The following STK31 variants were observed in gnomAD, a reference collection of about 807,000 sequenced individuals.
STK31 encodes the protein serine/threonine kinase 31.
A neutral mutation model predicts 129.7 loss-of-function variants in STK31; 89 were observed. The ratio of observed to expected loss-of-function variants is 0.69; its 90% CI spans 0.58 to 0.82. The LOEUF (loss-of-function observed/expected upper bound fraction) is 0.82, where lower values mean the gene tolerates loss of function less well. Ranked by LOEUF, STK31 falls within the 40% of genes least tolerant of loss-of-function variation. STK31 has a pLI of 0.00. For missense variants in STK31, 1,187 were observed against 1,176.4 expected (o/e 1.01, Z -0.13); for synonymous variants, 448 against 395.3 (o/e 1.13, Z -1.58).
intron 4 of STK31, chr7:23,726,108 T>C (rs538845449): frequency 9.8e-5 from 15 of 152,288 alleles, no homozygotes; most frequent in South Asian, 8.3e-4. Context: ...CCCTCCAACA[T>C]TGGGAATCAG....
At chr7:23,780,169 A>G (rs979479107) in intron 15 of STK31, among the ~76,000 whole-genome samples, 4 of 151,856 alleles carry the variant, frequency 2.6e-5, no homozygotes, top group Non-Finnish European at 5.9e-5. Flanking sequence ...GGCTGCACCC[A>G]CTGTCTAACT....
In STK31 at chr7:23,815,141, C is replaced by G. The variant is rs375692337; in HGVS notation, c.2761-3C>G. 5.6e-6 allele frequency: 9 copies of G among 1,599,414 alleles called. No individual in the cohort carries two copies. Among genetic ancestry groups the G allele is most frequent in the African/African-American group, 2.7e-5 (2 of 74,084 alleles). ...ATTTATTCATTCTTACTTTCTTTCA[C>G]AGCTTTCTGTTCAAAATCAGGAGTT... On this transcript the variant is annotated splice_polypyrimidine_tract_variant and splice_region_variant and intron_variant, in intron 22 of 23. Coordinates refer to ENST00000355870, the MANE Select transcript of STK31 (RefSeq NM_031414.5).
chr7:23,811,307 G>T, intron 22 of STK31: 1 of 417,812 alleles, frequency 2.4e-6, no homozygotes. Context: ...TTGTTCTGCA[G>T]CTTCTGCCAT....
chr7:23,767,200 A>G (rs2128101693), intron 11 of STK31, among the ~76,000 whole-genome samples: 1 of 152,140 alleles, frequency 6.6e-6, no homozygotes, highest in East Asian at 1.9e-4. Flanking sequence ...CTTCCTTTTT[A>G]TAAAGTGGCT....
At chr7:23,788,258 G>A (rs988945640) in intron 21 of STK31, 129 bp downstream of exon 21, 1 of 799,368 alleles carries the variant, frequency 1.3e-6, no homozygotes, top group African/African-American at 1.8e-5. Context: ...GTGTCATGTA[G>A]TATAAGCAAC....
intron 22 of STK31, among the ~76,000 whole-genome samples, chr7:23,806,824 C>T (rs540599703): frequency 7.6e-4 from 113 of 147,736 alleles, no homozygotes; most frequent in African/African-American, 2.5e-3. Flanking sequence ...GGTGTGAACC[C>T]GGGAGGCGGA....
chr7:23,744,614 T>C (rs553786571), intron 8 of STK31, among the ~76,000 whole-genome samples: 1 of 152,242 alleles, frequency 6.6e-6, no homozygotes, highest in Non-Finnish European at 1.5e-5. Flanking sequence ...GATCTTTTCC[T>C]GAAGATGTAC....
intron 22 of STK31, among the ~76,000 whole-genome samples, chr7:23,807,706 C>G (rs1006973131): frequency 5.3e-5 from 8 of 151,830 alleles, no homozygotes; most frequent in Non-Finnish European, 2.9e-5. Flanking sequence ...CTCACAGGTT[C>G]TTGGGGCTCT....
intron 23 of STK31, 100 bp from the exon 24 acceptor site, chr7:23,832,036 C>T (rs969827450): frequency 2.1e-5 from 17 of 807,402 alleles, no homozygotes; most frequent in African/African-American, 3.5e-5. Flanking sequence ...GAAACCCCTC[C>T]TTCCTGACTG....
rs138072234 is a variant in STK31, at chr7:23,832,187, A to T, written c.2881A>T (p.Met961Leu). Reference protein sequence around the residue: ...LCSLICYRSSMTAEQVLNAEC... With the variant: ...LCSLICYRSSLTAEQVLNAEC... ...TAGCTTGATATGTTATAGAAGTTCA[A>T]TGACTGCTGAACAAGTTTTAAATGC... The change falls in exon 24 of 24, where the codon ATG becomes TTG. Residue 961 changes from methionine to leucine, a missense_variant. Physicochemically the swap from Met to Leu is conservative, Grantham distance 15. Transcript: ENST00000355870. 6 of 1,614,034 alleles carry T rather than the reference A, an allele frequency of 3.7e-6. No homozygotes were observed. The highest frequency in any genetic ancestry group is 1.3e-5 in the African/African-American group (1 of 74,922).
intron 22 of STK31, among the ~76,000 whole-genome samples, chr7:23,814,732 C>T (rs1793362941): frequency 6.6e-6 from 1 of 151,030 alleles, no homozygotes; most frequent in African/African-American, 2.5e-5. Context: ...TTTTGCATCC[C>T]CCTGATTTCT....
intron 16 of STK31, among the ~76,000 whole-genome samples, chr7:23,782,553 C>CTTTA (rs1195341074): frequency 6.7e-6 from 1 of 150,292 alleles, no homozygotes; most frequent in East Asian, 1.9e-4. Context: ...GTCATGCTTT[C>CTTTA]TTTAGCAAAT....
At chr7:23,717,964 T>G (rs1786452898) in intron 4 of STK31, among the ~76,000 whole-genome samples, 1 of 152,032 alleles carries the variant, frequency 6.6e-6, no homozygotes, top group Non-Finnish European at 1.5e-5. Context: ...GATTAATGGG[T>G]GTAGAGTTTC....
rs182756360 is a variant in STK31 at position 23,823,427 on chromosome 7, C to T, written c.2829+8215C>T. On this transcript the variant is annotated intron_variant, in intron 23 of 23. Transcript: ENST00000355870. ...GAAGTGTCTGTTCATATCCTTCATC[C>T]ACTTTTTGATGGGGTTGTTTGTTTT... Among the ~76,000 whole-genome samples, 1,088 of 152,184 alleles carry T rather than the reference C, an allele frequency of 7.1e-3. 10 individuals are homozygous for T. The highest frequency in any genetic ancestry group is 0.025 in the African/African-American group (1,050 of 41,496).
intron 1 of STK31, among the ~76,000 whole-genome samples, chr7:23,711,645 G>A (rs751163479): frequency 1.3e-5 from 2 of 151,792 alleles, no homozygotes; most frequent in Admixed American, 6.6e-5. Flanking sequence ...TTAATCCCAC[G>A]GAATCTTCAA....
chr7:23,758,429 T>G (rs1355706361), intron 10 of STK31, among the ~76,000 whole-genome samples: 1 of 151,964 alleles, frequency 6.6e-6, no homozygotes, highest in Non-Finnish European at 1.5e-5. Flanking sequence ...ATTCATTGAT[T>G]TTTTTTTGGA....
intron 8 of STK31, among the ~76,000 whole-genome samples, chr7:23,741,009 A>G (rs1303063091): frequency 2.0e-5 from 3 of 152,156 alleles, no homozygotes; most frequent in African/African-American, 4.8e-5. Flanking sequence ...AGCAAGGGTT[A>G]TTTGTTCTCC....
chr7:23,730,878 A>ATATATATATT, intron 6 of STK31, among the ~76,000 whole-genome samples: 8 of 59,552 alleles, frequency 1.3e-4, no homozygotes, highest in Admixed American at 1.1e-3. Flanking sequence ...ATATATATAT[A>ATATATATATT]TTTTTTTTTT....
chr7:23,732,313 A>G (rs1463591734), intron 6 of STK31, among the ~76,000 whole-genome samples: 1 of 152,184 alleles, frequency 6.6e-6, no homozygotes, highest in African/African-American at 2.4e-5. Flanking sequence ...ATGCCTAAAT[A>G]TATTTTTTAA....
Sources: gnomAD v4.1 joint callset for allele counts (sites outside exome capture counted in the v4.1 genomes callset) on GRCh38, gnomAD v4.1.1 for gene constraint, MANE v1.5 for transcripts, NCBI Gene and HGNC (gene_info 2026-07-23, HGNC 2026-07-21) for gene names.